The following NKX2-2 variants were observed in gnomAD, a reference collection of about 807,000 sequenced individuals.
The protein encoded by NKX2-2 is homeobox protein Nkx-2.2.
In NKX2-2, 8 loss-of-function variants were observed where a neutral mutation model predicts 24.6. The observed-to-expected ratio is 0.32, with a 90% CI of 0.19 to 0.59. The LOEUF (loss-of-function observed/expected upper bound fraction) is 0.59, where lower values mean the gene tolerates loss of function less well. Ranked by LOEUF, NKX2-2 falls within the 20% of genes least tolerant of loss-of-function variation. NKX2-2 has a pLI of 0.86. For synonymous variants in NKX2-2, 217 were observed against 173.3 expected (o/e 1.25, Z -1.98); for missense variants, 381 against 373.9 (o/e 1.02, Z -0.16).
At chr20:21,516,805 C>T (rs1452215473), upstream of NKX2-2, among the ~76,000 whole-genome samples, 1 of 152,086 alleles carries the variant, frequency 6.6e-6, no homozygotes, top group Non-Finnish European at 1.5e-5. Flanking sequence ...TCTCGCATAT[C>T]CCCAGAGCCC....
Position 21,511,953 on chromosome 20 carries a change from G to A in NKX2-2, c.792C>T (p.Pro264=). The A allele has an allele frequency of 6.2e-7, 1 of 1,603,656 alleles. No individual in the cohort carries two copies. The change falls in exon 2 of 2, where the codon CCC becomes CCT. Residue 264 remains proline (P), a synonymous_variant. Transcript: ENST00000377142. ...AAGTCCACTGCTGGGCCTGGACCAG[G>A]GGGTGTGCTGTCGGGTACTGGGGGG... ...ASTPQYPTAH[P]LVQAQQWTW is the part of the protein sequence containing the mutation.
At position 21,512,459 on chromosome 20, in the gene NKX2-2, G is replaced by T. The variant is rs754087850; in HGVS notation, c.286C>A (p.Pro96Thr). ...GGGGACTTGGAGCTTGAGTCCTGAG[G>T]GGGCGCCCCGGCAGCCAGACCGTGC... The part of the protein sequence containing the change: ...SLHGLAAGAP[P>T]QDSSSKSPEP... Residue 96 changes from proline to threonine, a missense_variant, in exon 2 of 2, where the codon CCT becomes ACT. Transcript: ENST00000377142. 129 of 1,579,368 alleles carry T rather than the reference G, an allele frequency of 8.2e-5. No individual in the cohort carries two copies. The highest frequency in any genetic ancestry group is 1.0e-4 in the Non-Finnish European group (118 of 1,170,956).
upstream of NKX2-2, among the ~76,000 whole-genome samples, chr20:21,514,427 A>G (rs900357083): frequency 6.6e-6 from 1 of 151,010 alleles, no homozygotes; most frequent in African/African-American, 2.4e-5. Flanking sequence ...CAGTATTTAC[A>G]TACAAAGGGC....
chr20:21,513,176 T>G lies in NKX2-2; in HGVS notation c.259+235A>C, dbSNP rs1336432499. Among the ~76,000 whole-genome samples the G allele has an allele frequency of 6.6e-6, 1 of 152,160 alleles. No individual in the cohort carries two copies. The highest frequency in any genetic ancestry group is 1.5e-5 in the Non-Finnish European group (1 of 68,022). ...GTATAGCCCTTCTCCCTCTTTCTCC[T>G]TAACTTCTCGCATTGAAAAAAATTT... On this transcript the variant is annotated intron_variant, in intron 1 of 1. Transcript: ENST00000377142. This position sits in a 1 kb window ranked among gnomAD's most constrained non-coding sequence, Gnocchi z 4.6.
At chr20:21,521,025 C>T in the NKX2-2 span, among the ~76,000 whole-genome samples, 1 of 151,998 alleles carries the variant, frequency 6.6e-6, no homozygotes, top group Non-Finnish European at 1.5e-5. Context: ...AAAGCTGGGT[C>T]GGGCAGGCTG....
At chr20:21,518,225 G>C (rs1468834934), upstream of NKX2-2, among the ~76,000 whole-genome samples, 1 of 152,094 alleles carries the variant, frequency 6.6e-6, no homozygotes, top group African/African-American at 2.4e-5. Flanking sequence ...TGTCTCCTTA[G>C]CGTCCCGAAC....
chr20:21,518,564 C>A (rs1980697389), upstream of NKX2-2, among the ~76,000 whole-genome samples: 1 of 152,306 alleles, frequency 6.6e-6, no homozygotes, highest in African/African-American at 2.4e-5. Flanking sequence ...TGTACACAGG[C>A]TAAGTGGCCC....
At chr20:21,520,230 T>C in the NKX2-2 span, among the ~76,000 whole-genome samples, 7 of 152,050 alleles carry the variant, frequency 4.6e-5, no homozygotes, top group Non-Finnish European at 8.8e-5. Flanking sequence ...CGGAGAGAAC[T>C]GATCCTGGGA....
Position 21,511,685 on chromosome 20 carries a change from G to A in NKX2-2, c.*238C>T. The A allele has an allele frequency of 2.5e-6, 1 of 405,036 alleles. No individual in the cohort carries two copies. Among genetic ancestry groups the A allele is most frequent in the Non-Finnish European group, 4.3e-6 (1 of 230,276 alleles). The allele number at this position is 405,036 out of a possible 1,614,324, so 25.1% of individuals were successfully genotyped here. On this transcript the variant is annotated 3_prime_UTR_variant, in exon 2 of 2. Transcript: ENST00000377142. The stretch of plus-strand genomic sequence containing the variant: ...TTCTGTAAACACGGCGTAGAGTTCA[G>A]CCCTCTCCCAAGGTTCAGAAGGAGA...
chr20:21,515,895 C>T (rs929132012), upstream of NKX2-2, among the ~76,000 whole-genome samples: 17 of 152,344 alleles, frequency 1.1e-4, 1 homozygote, highest in African/African-American at 3.8e-4. Flanking sequence ...GCAGCCCTAG[C>T]TGCCTCGCCC....
chr20:21,522,013 C>T, the NKX2-2 span, among the ~76,000 whole-genome samples: 1 of 152,240 alleles, frequency 6.6e-6, no homozygotes, highest in Non-Finnish European at 1.5e-5. Flanking sequence ...AGCCCCGCAC[C>T]TTCCCAGCCC....
At chr20:21,512,952 G>A (rs1179919939) in intron 1 of NKX2-2, among the ~76,000 whole-genome samples, 2 of 152,158 alleles carry the variant, frequency 1.3e-5, no homozygotes, top group Non-Finnish European at 2.9e-5. Context: ...TGCACAAAGC[G>A]TCCTCTATGA....
At chr20:21,522,372 C>G in the NKX2-2 span, among the ~76,000 whole-genome samples, 1 of 152,182 alleles carries the variant, frequency 6.6e-6, no homozygotes, top group African/African-American at 2.4e-5. Context: ...CCGCGGTGAC[C>G]GTGCCCGGAG....
upstream of NKX2-2, among the ~76,000 whole-genome samples, chr20:21,515,267 G>C (rs1219943405): frequency 6.6e-6 from 1 of 151,962 alleles, no homozygotes; most frequent in South Asian, 2.1e-4. Flanking sequence ...GCGGGATTGC[G>C]GGGGTGGGGG....
rs1421484206 is a variant in NKX2-2, at chr20:21,512,262, C to T, written c.483G>A (p.Leu161=). 6 of 1,613,910 alleles carry T rather than the reference C, an allele frequency of 3.7e-6. No homozygotes were observed. In the African/African-American group the frequency reaches 4.0e-5, roughly 11 times the overall value. Reference sequence around the variant, plus strand: ...TGGGCGTGAGGCGGATGAGGCTGGCCAGGTGTTCGCGCTCGGGCGCCGACA... The same window carrying T: ...TGGGCGTGAGGCGGATGAGGCTGGCTAGGTGTTCGCGCTCGGGCGCCGACA... The part of the protein sequence containing the change: ...RYLSAPEREH[L]ASLIRLTPTQ... Residue 161 remains leucine (L), a synonymous_variant, in exon 2 of 2, where the codon CTG becomes CTA. Transcript: ENST00000377142.
chr20:21,511,956 G>A lies in NKX2-2; in HGVS notation c.789C>T (p.His263=). Residue 263 remains histidine (H), a synonymous_variant, in exon 2 of 2, where the codon CAC becomes CAT. Transcript: ENST00000377142. ...TCCACTGCTGGGCCTGGACCAGGGG[G>A]TGTGCTGTCGGGTACTGGGGGGTGC... ...SASTPQYPTA[H]PLVQAQQWTW is the part of the protein sequence containing the mutation. The A allele has an allele frequency of 6.2e-7, 1 of 1,604,604 alleles. No homozygotes were observed. Among genetic ancestry groups the A allele is most frequent in the African/African-American group, 1.3e-5 (1 of 74,960 alleles).
chr20:21,522,618 G>A, the NKX2-2 span, among the ~76,000 whole-genome samples: 1 of 151,896 alleles, frequency 6.6e-6, no homozygotes, highest in Non-Finnish European at 1.5e-5. Context: ...GCAGGTCCCG[G>A]CCGCTCTTTA....
At chr20:21,516,482 G>A (rs552151531), upstream of NKX2-2, among the ~76,000 whole-genome samples, 3 of 150,198 alleles carry the variant, frequency 2.0e-5, no homozygotes, top group East Asian at 2.0e-4. Flanking sequence ...GCTCTGCCCC[G>A]TCGGAGGAGG....
intron 1 of NKX2-2, 73 bp from the exon 2 acceptor site, chr20:21,512,558 C>G: frequency 4.2e-6 from 5 of 1,180,748 alleles, no homozygotes; most frequent in Non-Finnish European, 5.8e-6. Context: ...ACTCGGAGCA[C>G]CCTGGATCCT....
Sources: gnomAD v4.1 joint callset for allele counts (sites outside exome capture counted in the v4.1 genomes callset) on GRCh38, gnomAD v4.1.1 for gene constraint, Gnocchi (gnomAD v3.1) non-coding constraint, MANE v1.5 for transcripts, NCBI Gene and HGNC (gene_info 2026-07-23, HGNC 2026-07-21) for gene names.